The following CYP2C18 variants were observed in gnomAD, a reference collection of about 807,000 sequenced individuals.
The protein encoded by CYP2C18 is cytochrome P450 2C18.
CYP2C18 carries 38 observed loss-of-function variants against 41.3 expected under a neutral mutation model. The observed-to-expected ratio is 0.92, with a 90% confidence interval of 0.71 to 1.21. The LOEUF is 1.21. Ranked by LOEUF, CYP2C18 falls within the 50% of genes most tolerant of loss-of-function variation. CYP2C18 has a pLI of 0.00. For synonymous variants in CYP2C18, 236 were observed against 210.0 expected (o/e 1.12, Z -1.07); for missense variants, 635 against 591.4 (o/e 1.07, Z -0.77).
intron 3 of CYP2C18, 53 bp from the exon 4 acceptor site, chr10:94,694,864 A>G: frequency 6.4e-7 from 1 of 1,558,568 alleles, no homozygotes; most frequent in Non-Finnish European, 8.7e-7. Flanking sequence ...TCAAAGACAA[A>G]GTATTTTATA....
At chr10:94,711,248 A>G (rs911132877) in intron 5 of CYP2C18, among the ~76,000 whole-genome samples, 6 of 151,926 alleles carry the variant, frequency 3.9e-5, no homozygotes, top group Non-Finnish European at 8.8e-5. Flanking sequence ...TGTTTACTAG[A>G]TCAAGTTGAC....
At position 94,693,851 on chromosome 10, in the gene CYP2C18, T is replaced by A. The variant is rs1312239287; in HGVS notation, c.482-1066T>A. On this transcript the variant is annotated intron_variant, in intron 3 of 8. Coordinates refer to ENST00000285979, the MANE Select transcript of CYP2C18 (RefSeq NM_000772.3). ...TTCATTGATGATTTGATTATAACAA[T>A]TTTATTTAAAAATTGCCCTTTCCTC... Among the ~76,000 whole-genome samples, 4 of 152,286 alleles carry A rather than the reference T, an allele frequency of 2.6e-5. No individual in the cohort carries two copies. In the East Asian group the frequency reaches 5.8e-4, roughly 22 times the overall value.
intron 5 of CYP2C18, among the ~76,000 whole-genome samples, chr10:94,714,301 A>T (rs1847500426): frequency 6.6e-6 from 1 of 152,124 alleles, no homozygotes. Context: ...TAGGGTTTTT[A>T]TGGTTTTAGA....
At chr10:94,728,568 T>C in intron 7 of CYP2C18, 1 of 837,910 alleles carries the variant, frequency 1.2e-6, no homozygotes, top group South Asian at 5.5e-5. Context: ...TGGATTCATC[T>C]CTGATGAAGA....
intron 7 of CYP2C18, chr10:94,728,711 C>G (rs759720195): frequency 2.0e-6 from 1 of 504,938 alleles, no homozygotes; most frequent in Non-Finnish European, 2.6e-6. Context: ...TTTAAAAAAC[C>G]CTATGAACAG....
chr10:94,697,177 G>A (rs1318789059), intron 4 of CYP2C18, among the ~76,000 whole-genome samples: 1 of 152,270 alleles, frequency 6.6e-6, no homozygotes, highest in African/African-American at 2.4e-5. Context: ...ACACATAATT[G>A]TCAGATTCAC....
chr10:94,728,175 AG>A (rs1847774592), intron 7 of CYP2C18, among the ~76,000 whole-genome samples: 1 of 152,100 alleles, frequency 6.6e-6, no homozygotes, highest in Non-Finnish European at 1.5e-5. Flanking sequence ...AGTTTTTAAA[AG>A]TCCTGTCCCC....
At chr10:94,725,782 C>T (rs1390559345) in intron 7 of CYP2C18, among the ~76,000 whole-genome samples, 2 of 152,068 alleles carry the variant, frequency 1.3e-5, no homozygotes, top group Non-Finnish European at 2.9e-5. Flanking sequence ...CAAATGTGCA[C>T]ACAGAGACAT....
intron 5 of CYP2C18, among the ~76,000 whole-genome samples, chr10:94,707,914 A>C (rs900421269): frequency 6.6e-6 from 1 of 152,138 alleles, no homozygotes; most frequent in Non-Finnish European, 1.5e-5. Flanking sequence ...GAATAGTGGT[A>C]GGGTCAATAT....
intron 7 of CYP2C18, among the ~76,000 whole-genome samples, chr10:94,732,071 T>G (rs997380246): frequency 3.3e-5 from 5 of 152,164 alleles, no homozygotes; most frequent in African/African-American, 1.2e-4. Flanking sequence ...AGGAAATATT[T>G]GCAAACTATG....
chr10:94,720,547 T>C lies in CYP2C18; in HGVS notation c.961+10T>C, dbSNP rs147732433. 1.7e-5 allele frequency: 28 copies of C among 1,610,152 alleles called. No individual in the cohort carries two copies. The African/African-American group carries it at 2.3e-4, about 13-fold the overall frequency. On this transcript the variant is annotated intron_variant, in intron 6 of 8. Coordinates refer to ENST00000285979, the MANE Select transcript of CYP2C18 (RefSeq NM_000772.3). ...TACCCAGAGGTCACAGGTATGATGATACCATAGGTGAGCAGGGTGATTTTC... is the reference window on the plus strand; with the variant it reads ...TACCCAGAGGTCACAGGTATGATGACACCATAGGTGAGCAGGGTGATTTTC...
In CYP2C18 at chr10:94,706,811, G is replaced by T; in HGVS notation, c.670G>T (p.Asp224Tyr). Residue 224 changes from aspartate to tyrosine, a missense_variant, in exon 5 of 9, where the codon GAT (aspartate) becomes TAT (tyrosine). Asp to Tyr is a radical substitution (Grantham distance 160, BLOSUM62 -3). Transcript: ENST00000285979. ...CTGCAATAATTTCCCTGCTCTCATC[G>T]ATTATCTCCCAGGAAGTCATAATAA... ...QVCNNFPALI[D>Y]YLPGSHNKIA... is the part of the protein sequence containing the mutation. The T allele has an allele frequency of 2.5e-6, 4 of 1,598,068 alleles. No homozygotes were observed. Among genetic ancestry groups the T allele is most frequent in the Non-Finnish European group, 3.4e-6 (4 of 1,169,356 alleles).
rs1365366363 is a variant in CYP2C18, at chr10:94,706,918, T to C, written c.777T>C (p.Ser259=). Residue 259 remains serine, a synonymous_variant, in exon 5 of 9, where the codon AGT becomes AGC. Transcript: ENST00000285979. The stretch of plus-strand genomic sequence containing the variant: ...ATCAAGAATCCCTGGACATGAACAG[T>C]GCTCGGGACTTTATTGATTGTTTCC... ...KEHQESLDMN[S]ARDFIDCFLI... is the part of the protein sequence containing the mutation. 1.2e-6 allele frequency: 2 copies of C among 1,610,972 alleles called. No individual in the cohort carries two copies. Among genetic ancestry groups the C allele is most frequent in the South Asian group, 2.2e-5 (2 of 90,456 alleles).
intron 4 of CYP2C18, among the ~76,000 whole-genome samples, chr10:94,696,751 C>T (rs1019029005): frequency 6.6e-5 from 10 of 151,892 alleles, no homozygotes; most frequent in Non-Finnish European, 1.2e-4. Flanking sequence ...AGATGAATGG[C>T]TAACTAGAAT....
intron 5 of CYP2C18, among the ~76,000 whole-genome samples, chr10:94,712,372 A>G (rs1847454456): frequency 6.6e-6 from 1 of 151,690 alleles, no homozygotes; most frequent in African/African-American, 2.4e-5. Context: ...CCCTCTGGCA[A>G]TCAGCATTCT....
intron 2 of CYP2C18, 59 bp from the exon 3 acceptor site, chr10:94,688,066 T>C: frequency 6.2e-7 from 1 of 1,610,238 alleles, no homozygotes; most frequent in Non-Finnish European, 8.5e-7. Context: ...CTGCCGAGTG[T>C]CAGCTCTCTT....
rs576450007 is a variant in CYP2C18, at chr10:94,725,568, A to G, written c.1149+1035A>G. Among the ~76,000 whole-genome samples the G allele has an allele frequency of 2.5e-3, 378 of 152,202 alleles. 2 individuals carry two copies. Among genetic ancestry groups the G allele is most frequent in the African/African-American group, 8.6e-3 (357 of 41,558 alleles). On this transcript the variant is annotated intron_variant, in intron 7 of 8. Transcript: ENST00000285979. ...GATGTTCAGGATGGGTGGAGATTTA[A>G]CATCTCACCAGTGAGAATGATGTTT...
At chr10:94,698,886 G>T (rs764179408) in intron 4 of CYP2C18, among the ~76,000 whole-genome samples, 57 of 152,234 alleles carry the variant, frequency 3.7e-4, no homozygotes, top group Non-Finnish European at 5.9e-4. Context: ...TAGAAGAAAA[G>T]AATAAATTCC....
chr10:94,692,393 A>G (rs1201228372), intron 3 of CYP2C18, among the ~76,000 whole-genome samples: 1 of 87,024 alleles, frequency 1.1e-5, no homozygotes, highest in Non-Finnish European at 2.2e-5. Flanking sequence ...AAAAGAAGAC[A>G]TTTATGCAGC....
Sources: gnomAD v4.1 joint callset for allele counts (sites outside exome capture counted in the v4.1 genomes callset) on GRCh38, gnomAD v4.1.1 for gene constraint, MANE v1.5 for transcripts, NCBI Gene and HGNC (gene_info 2026-07-23, HGNC 2026-07-21) for gene names.